The following IST1 variants were observed in gnomAD, a reference collection of about 807,000 sequenced individuals.
The protein encoded by IST1 is IST1 factor associated with ESCRT-III, also known as IST1 homolog.
In IST1, 23 loss-of-function variants were observed where a neutral mutation model predicts 37.0. That is an observed-to-expected ratio of 0.62 (90% confidence interval 0.45 to 0.88). IST1 has a LOEUF of 0.88. IST1 is among the 40% of genes least tolerant of loss of function. The probability of loss-of-function intolerance (pLI) is 0.00; values close to 1 mark genes in which losing one functional copy is unlikely to be tolerated. For synonymous variants in IST1, 180 were observed against 161.7 expected, an observed-to-expected ratio of 1.11 and a Z score of -0.86; for missense variants, 488 against 445.4, an observed-to-expected ratio of 1.10 and a Z score of -0.86.
At position 71,928,211 on chromosome 16, in the gene IST1, C is replaced by G. The variant is rs1380486754; in HGVS notation, c.*398C>G. 3 of 245,292 alleles carry G rather than the reference C, an allele frequency of 1.2e-5. No individual in the cohort carries two copies. The highest frequency in any genetic ancestry group is 6.8e-5 in the African/African-American group (3 of 43,908). 15.2% of individuals were successfully genotyped at this position (245,292 alleles called of 1,614,324 possible). A position where few individuals can be genotyped will look rare whatever the true frequency, so the allele number is the denominator to read the frequency against. On this transcript the variant is annotated 3_prime_UTR_variant, in exon 10 of 10. Coordinates refer to ENST00000378799, the MANE Select transcript of IST1 (RefSeq NM_001270975.2). The stretch of plus-strand genomic sequence containing the variant: ...AGCATCCCAGCCTCGTGTTGAGGTT[C>G]CAGACTTAGAAACAGACCCCTCTGT...
intron 4 of IST1, among the ~76,000 whole-genome samples, chr16:71,920,008 T>C (rs1171777764): frequency 1.3e-5 from 2 of 152,210 alleles, no homozygotes; most frequent in Admixed American, 6.5e-5. Flanking sequence ...GGTAAAAATA[T>C]TTATATCCTA....
chr16:71,915,114 G>C (rs2037439943), intron 1 of IST1, among the ~76,000 whole-genome samples: 1 of 152,140 alleles, frequency 6.6e-6, no homozygotes, highest in South Asian at 2.1e-4. Flanking sequence ...CAAAAACTGA[G>C]ACTTGTTGGC....
In IST1 at chr16:71,897,480, G is replaced by C. The variant is rs2037000178; in HGVS notation, c.-16+1891G>C. 2.6e-5 allele frequency among the ~76,000 whole-genome samples: 4 copies of C among 152,158 alleles called. No homozygotes were observed. In the South Asian group the frequency reaches 8.3e-4, roughly 32 times the overall value. On this transcript the variant is annotated intron_variant, in intron 1 of 9. Coordinates refer to ENST00000378799, the MANE Select transcript of IST1 (RefSeq NM_001270975.2). ...TTGTTTGATTTAAGCTCTGGTTCTT[G>C]TAAGATAATCAGAATCAAGTCCCAG... is the stretch of plus-strand genomic sequence containing the variant.
At chr16:71,915,472 C>A in intron 1 of IST1, 154 bp from the exon 2 acceptor site, 1 of 553,406 alleles carries the variant, frequency 1.8e-6, no homozygotes, top group South Asian at 2.3e-5. Context: ...TTACAACAGC[C>A]AAAACAATCT....
chr16:71,897,827 C>G (rs1428545298), intron 1 of IST1, among the ~76,000 whole-genome samples: 2 of 151,882 alleles, frequency 1.3e-5, no homozygotes, highest in Non-Finnish European at 2.9e-5. Context: ...GGCCTGTAGT[C>G]CCAGCTACTC....
chr16:71,924,746 T>C, intron 8 of IST1, 23 bp from the exon 9 acceptor site: 1 of 1,586,334 alleles, frequency 6.3e-7, no homozygotes, highest in Non-Finnish European at 8.7e-7. Context: ...CTGTCTCCTC[T>C]GGTAACAATC....
In IST1 at chr16:71,929,460, T is replaced by A; in HGVS notation, c.*1647T>A. The A allele has an allele frequency of 1.5e-6, 2 of 1,347,902 alleles. No individual in the cohort carries two copies. The highest frequency in any genetic ancestry group is 3.2e-5 in the South Asian group (2 of 63,112). The allele number at this position is 1,347,902 out of a possible 1,614,324, so 83.5% of individuals were successfully genotyped here. A position where few individuals can be genotyped will look rare whatever the true frequency, so the allele number is the denominator to read the frequency against. ...TTACAGAATTAAAAACAAAGTATATTATAATTTTAAAGCTATGCCATGCAA... is the reference window on the plus strand; with the variant it reads ...TTACAGAATTAAAAACAAAGTATATAATAATTTTAAAGCTATGCCATGCAA... On this transcript the variant is annotated 3_prime_UTR_variant, in exon 10 of 10. Transcript: ENST00000378799.
chr16:71,916,664 A>T (rs1567469103), intron 3 of IST1, 22 bp downstream of exon 3: 2 of 1,586,738 alleles, frequency 1.3e-6, no homozygotes, highest in Non-Finnish European at 1.7e-6. Context: ...TGATTCAGAG[A>T]CCTAAATCAT....
At chr16:71,905,396 T>G (rs1419297276) in intron 1 of IST1, among the ~76,000 whole-genome samples, 3 of 51,942 alleles carry the variant, frequency 5.8e-5, no homozygotes, top group Non-Finnish European at 1.0e-4. Context: ...TTTTTTTTTT[T>G]TGAGACAGTT....
intron 1 of IST1, among the ~76,000 whole-genome samples, chr16:71,908,681 A>T (rs559429141): frequency 2.0e-5 from 3 of 152,094 alleles, no homozygotes; most frequent in Admixed American, 6.5e-5. Context: ...AGTGAGTATC[A>T]CCCACTTTCT....
intron 1 of IST1, among the ~76,000 whole-genome samples, chr16:71,904,169 G>C (rs935807052): frequency 7.9e-5 from 12 of 152,150 alleles, no homozygotes; most frequent in African/African-American, 2.2e-4. Flanking sequence ...TTGTTGCCCA[G>C]GCTGAGTGCA....
intron 9 of IST1, among the ~76,000 whole-genome samples, chr16:71,925,290 C>T (rs910037746): frequency 2.0e-5 from 3 of 147,730 alleles, no homozygotes; most frequent in Non-Finnish European, 3.0e-5. Context: ...GCTTGGATTA[C>T]AGACATGAGC....
intron 1 of IST1, among the ~76,000 whole-genome samples, chr16:71,909,406 C>G (rs12445564): frequency 6.6e-6 from 1 of 152,004 alleles, no homozygotes. Context: ...TACTTGGCCT[C>G]ATTTGTCCTC....
intron 1 of IST1, among the ~76,000 whole-genome samples, chr16:71,898,458 C>T (rs1468836745): frequency 1.3e-5 from 2 of 150,312 alleles, no homozygotes; most frequent in East Asian, 2.0e-4. Flanking sequence ...CTGAGGTGAA[C>T]GGATCATGTG....
chr16:71,920,584 A>G (rs1486680334), intron 4 of IST1, among the ~76,000 whole-genome samples, 155 bp from the exon 5 acceptor site: 1 of 152,196 alleles, frequency 6.6e-6, no homozygotes, highest in East Asian at 1.9e-4. Flanking sequence ...GGATGGATGA[A>G]CAAATAGTGG....
At position 71,927,906 on chromosome 16, in the gene IST1, T is replaced by A; in HGVS notation, c.*93T>A. ...AATCTCCATGAAATTCTGTTTCATC[T>A]GTTAACCGTCACTCAGCACAACACT... is the stretch of plus-strand genomic sequence containing the variant. On this transcript the variant is annotated 3_prime_UTR_variant, in exon 10 of 10. Transcript: ENST00000378799. The A allele has an allele frequency of 1.1e-6, 1 of 908,302 alleles. No individual in the cohort carries two copies. Among genetic ancestry groups the A allele is most frequent in the Non-Finnish European group, 1.8e-6 (1 of 564,500 alleles). 56.3% of individuals were successfully genotyped at this position (908,302 alleles called of 1,614,324 possible).
intron 7 of IST1, chr16:71,922,891 T>C (rs2037640496): frequency 1.7e-6 from 1 of 597,880 alleles, no homozygotes; most frequent in Non-Finnish European, 3.0e-6. Flanking sequence ...GAGTTGGTGC[T>C]AGAAAAACAC....
At chr16:71,896,175 G>C (rs1237320519) in intron 1 of IST1, among the ~76,000 whole-genome samples, 1 of 152,104 alleles carries the variant, frequency 6.6e-6, no homozygotes, top group East Asian at 1.9e-4. Flanking sequence ...GGATCCCTGC[G>C]TGTGTAGTGA....
intron 4 of IST1, among the ~76,000 whole-genome samples, chr16:71,918,876 A>G (rs2037521169): frequency 6.6e-6 from 1 of 152,208 alleles, no homozygotes; most frequent in Admixed American, 6.5e-5. Flanking sequence ...GACAAATGCC[A>G]TTTATATCAT....
Sources: gnomAD v4.1 joint callset for allele counts (sites outside exome capture counted in the v4.1 genomes callset) on GRCh38, gnomAD v4.1.1 for gene constraint, MANE v1.5 for transcripts, NCBI Gene and HGNC (gene_info 2026-07-23, HGNC 2026-07-21) for gene names.